NAV3: variants seen among roughly 807,000 people sequenced by gnomAD.
NAV3 encodes the protein neuron navigator 3.
In NAV3, 87 loss-of-function variants were observed where a neutral mutation model predicts 244.7. That is an observed-to-expected ratio of 0.36 (90% CI 0.30 to 0.42). The LOEUF is 0.42. Among genes scored for constraint, NAV3 ranks in the 20% least tolerant of loss-of-function variants. NAV3 has a pLI of 1.00. For missense variants in NAV3, 2,663 were observed against 2,893.3 expected, an observed-to-expected ratio of 0.92 and a Z score of 1.83; for synonymous variants, 1,126 against 1,042.2, an observed-to-expected ratio of 1.08 and a Z score of -1.55.
At chr12:77,765,128 G>A (rs1565804442) in intron 2 of NAV3, among the ~76,000 whole-genome samples, 2 of 152,188 alleles carry the variant, frequency 1.3e-5, no homozygotes, top group Non-Finnish European at 2.9e-5. Context: ...AGAACATAAT[G>A]TTTTCATAAC....
chr12:78,199,432 C>A lies in NAV3; in HGVS notation c.6616C>A (p.Arg2206Ser), dbSNP rs371772901. The A allele has an allele frequency of 5.2e-5, 83 of 1,610,000 alleles. No individual in the cohort carries two copies. The highest frequency in any genetic ancestry group is 2.9e-4 in the East Asian group (13 of 44,712). The change falls in exon 37 of 40, where the codon CGC (arginine) becomes AGC (serine). Residue 2206 changes from arginine (R) to serine (S), a missense_variant. This residue lies in a region of NAV3 where 543 missense variants were observed against 672.4 expected (regional missense o/e 0.81). Transcript: ENST00000397909. ...AGAGATAGAAATTGAAAGGAACATT[C>A]GCAATAATGACCTAGTCAAAATTAT... ...LIEIEIERNI[R>S]NNDLVKIIDW...
At chr12:77,680,910 A>G (rs967864471) in intron 2 of NAV3, among the ~76,000 whole-genome samples, 5 of 152,176 alleles carry the variant, frequency 3.3e-5, no homozygotes, top group Non-Finnish European at 5.9e-5. Context: ...GGAGATGAGA[A>G]TCTATTAAAA....
At chr12:77,906,032 C>G (rs531014234) in intron 1 of NAV3, among the ~76,000 whole-genome samples, 20 of 152,190 alleles carry the variant, frequency 1.3e-4, no homozygotes, top group African/African-American at 4.6e-4. Context: ...TAAGCTATAC[C>G]AATTCCATTT....
At chr12:77,976,674 C>CTTTTTTTTTTTTTTTT (rs869041498) in intron 5 of NAV3, among the ~76,000 whole-genome samples, 14 of 83,438 alleles carry the variant, frequency 1.7e-4, no homozygotes, top group Middle Eastern at 8.5e-3. Context: ...TTCTTTTTTT[C>CTTTTTTTTTTTTTTTT]TTTTTTTTTT....
intron 2 of NAV3, among the ~76,000 whole-genome samples, chr12:77,691,323 A>T (rs1875002947): frequency 5.3e-5 from 4 of 75,072 alleles, no homozygotes; most frequent in East Asian, 5.9e-4. Flanking sequence ...ATATATAAGT[A>T]TTTGTGTATG....
At position 77,902,724 on chromosome 12, in the gene NAV3, G is replaced by A. The variant is rs577165138; in HGVS notation, c.244-37595G>A. On this transcript the variant is annotated intron_variant, in intron 1 of 39. Coordinates refer to ENST00000397909, the MANE Select transcript of NAV3 (RefSeq NM_001024383.2). ...AATTGTCCCTGTTTGCAGATGACAT[G>A]ATTGTATATCTAGAAAACCCCATCG... Among the ~76,000 whole-genome samples the A allele has an allele frequency of 1.4e-4, 21 of 152,258 alleles. No homozygotes were observed. The East Asian group carries it at 4.1e-3, about 29-fold the overall frequency.
intron 8 of NAV3, among the ~76,000 whole-genome samples, chr12:78,009,988 G>A (rs1874979103): frequency 6.6e-6 from 1 of 152,258 alleles, no homozygotes; most frequent in Non-Finnish European, 1.5e-5. Flanking sequence ...GCCAAGGTGG[G>A]AGGATGACTT....
intron 2 of NAV3, among the ~76,000 whole-genome samples, chr12:77,615,354 A>G (rs1205246552): frequency 6.6e-6 from 1 of 152,140 alleles, no homozygotes; most frequent in Non-Finnish European, 1.5e-5. Context: ...TTACCAAGAT[A>G]GTGATCATGA....
At chr12:77,607,991 A>G (rs1490374696) in intron 2 of NAV3, among the ~76,000 whole-genome samples, 1 of 152,138 alleles carries the variant, frequency 6.6e-6, no homozygotes, top group African/African-American at 2.4e-5. Flanking sequence ...GTGAAAGTGT[A>G]ACTTCTTTTT....
At chr12:77,976,019 T>C (rs1407068219) in intron 5 of NAV3, among the ~76,000 whole-genome samples, 3 of 152,158 alleles carry the variant, frequency 2.0e-5, no homozygotes, top group East Asian at 3.9e-4. Context: ...ATGAAATTGG[T>C]AAACAGAAAG....
chr12:77,807,776 A>G (rs543121518), intron 2 of NAV3, among the ~76,000 whole-genome samples: 1 of 152,114 alleles, frequency 6.6e-6, no homozygotes, highest in African/African-American at 2.4e-5. Context: ...GAGTTTCCAA[A>G]TTGGTTCCAT....
chr12:77,747,276 T>C (rs28589461), intron 2 of NAV3, among the ~76,000 whole-genome samples: 2 of 152,200 alleles, frequency 1.3e-5, no homozygotes, highest in African/African-American at 4.8e-5. Flanking sequence ...CACTTGTTGA[T>C]GGGGTTGTTT....
At chr12:78,159,395 G>A in intron 23 of NAV3, 109 bp downstream of exon 23, 1 of 995,006 alleles carries the variant, frequency 1.0e-6, no homozygotes, top group Non-Finnish European at 1.5e-6. Context: ...TGAGTGCAGA[G>A]GCTCATGCCT....
intron 23 of NAV3, among the ~76,000 whole-genome samples, chr12:78,164,211 A>G (rs1163311106): frequency 6.6e-6 from 1 of 152,100 alleles, no homozygotes; most frequent in Non-Finnish European, 1.5e-5. Flanking sequence ...CTGTCATGCC[A>G]AGGCAATTAG....
chr12:77,855,445 G>A lies in NAV3; in HGVS notation c.243+23741G>A, dbSNP rs79259420. Among the ~76,000 whole-genome samples, 601 of 152,132 alleles carry A rather than the reference G, an allele frequency of 4.0e-3. 15 individuals carry two copies. In the East Asian group the frequency reaches 0.069, roughly 18 times the overall value. The stretch of plus-strand genomic sequence containing the variant: ...AGTGAATCTGTGATATCCCTAAAGG[G>A]TATCACAATATTTTTCTATTTTCTC... On this transcript the variant is annotated intron_variant, in intron 1 of 39. Coordinates refer to ENST00000397909, the MANE Select transcript of NAV3 (RefSeq NM_001024383.2).
chr12:77,920,405 A>C (rs997182486), intron 1 of NAV3, among the ~76,000 whole-genome samples: 2 of 152,048 alleles, frequency 1.3e-5, no homozygotes, highest in African/African-American at 4.8e-5. Flanking sequence ...TTGGACATGA[A>C]GAAAATGGAA....
At chr12:78,206,287 C>A (rs1046119330) in intron 39 of NAV3, among the ~76,000 whole-genome samples, 1 of 152,028 alleles carries the variant, frequency 6.6e-6, no homozygotes, top group Non-Finnish European at 1.5e-5. Flanking sequence ...TTAGATGATT[C>A]ATAGTTAGGA....
chr12:77,640,693 T>G (rs984048116), intron 2 of NAV3, among the ~76,000 whole-genome samples: 33 of 152,268 alleles, frequency 2.2e-4, no homozygotes, highest in African/African-American at 7.9e-4. Flanking sequence ...AGATTTTATG[T>G]GCTCTTATCA....
At chr12:77,967,288 C>A (rs887561032) in intron 4 of NAV3, among the ~76,000 whole-genome samples, 1 of 151,892 alleles carries the variant, frequency 6.6e-6, no homozygotes, top group South Asian at 2.1e-4. Context: ...GTTAAACATG[C>A]AAAATAATAA....
Sources: allele counts gnomAD v4.1 joint callset (sites outside exome capture counted in the v4.1 genomes callset), GRCh38; gene constraint gnomAD v4.1.1; regional missense constraint gnomAD v4.1.1; transcripts MANE v1.5; gene names NCBI Gene and HGNC (gene_info 2026-07-23, HGNC 2026-07-21).